CCDC13: variants seen among roughly 807,000 people sequenced by gnomAD.
CCDC13 encodes coiled-coil domain containing 13, also known as coiled-coil domain-containing protein 13.
In CCDC13, 70 loss-of-function variants were observed where a neutral mutation model predicts 87.3. The ratio of observed to expected loss-of-function variants is 0.80; its 90% CI spans 0.66 to 0.98. The LOEUF (loss-of-function observed/expected upper bound fraction) is 0.98. Among genes scored for constraint, CCDC13 ranks in the 50% least tolerant of loss-of-function variants. The pLI, the probability that CCDC13 is intolerant of heterozygous loss-of-function variation, is 0.00. For missense variants in CCDC13, 842 were observed against 892.0 expected, an observed-to-expected ratio of 0.94 and a Z score of 0.71; for synonymous variants, 317 against 360.3, an observed-to-expected ratio of 0.88 and a Z score of 1.36.
intron 11 of CCDC13, 24 bp from the exon 12 acceptor site, chr3:42,732,994 A>G (rs1698884874): frequency 1.3e-6 from 2 of 1,546,842 alleles, no homozygotes; most frequent in African/African-American, 2.7e-5. Flanking sequence ...GAAGGGGCCC[A>G]TCAGCCTGGG....
chr3:42,710,388 C>T (rs1044771770), intron 14 of CCDC13, among the ~76,000 whole-genome samples: 1 of 152,120 alleles, frequency 6.6e-6, no homozygotes, highest in Non-Finnish European at 1.5e-5. Context: ...AAAAGAGAAA[C>T]CAGCTGAGCC....
At chr3:42,715,628 A>C (rs115416948) in intron 13 of CCDC13, among the ~76,000 whole-genome samples, 3,248 of 152,276 alleles carry the variant, frequency 0.021, 136 homozygotes, top group African/African-American at 0.073. Context: ...AAGAAAAAAA[A>C]ATAAAGTTTA....
chr3:42,745,870 G>A (rs1699377959), intron 7 of CCDC13, 53 bp downstream of exon 7: 2 of 1,439,154 alleles, frequency 1.4e-6, no homozygotes, highest in African/African-American at 1.4e-5. Flanking sequence ...AGCTCTTTCT[G>A]GGGTGTTTTA....
chr3:42,751,194 C>A (rs1699570368), intron 5 of CCDC13, among the ~76,000 whole-genome samples: 1 of 152,202 alleles, frequency 6.6e-6, no homozygotes, highest in African/African-American at 2.4e-5. Flanking sequence ...AGTCCCGGGG[C>A]TTGGCTGCCT....
At chr3:42,747,497 T>C in intron 5 of CCDC13, 124 bp from the exon 6 acceptor site, 2 of 719,210 alleles carry the variant, frequency 2.8e-6, no homozygotes, top group Non-Finnish European at 4.8e-6. Context: ...GAAGAACTCA[T>C]TTAATCCTCA....
At chr3:42,765,553 G>T (rs1442239408) in intron 1 of CCDC13, among the ~76,000 whole-genome samples, 3 of 152,152 alleles carry the variant, frequency 2.0e-5, no homozygotes, top group African/African-American at 7.2e-5. Flanking sequence ...CTACAGGCAT[G>T]CACCACTACG....
chr3:42,737,577 TG>T (rs1699071326), intron 9 of CCDC13, among the ~76,000 whole-genome samples: 1 of 152,222 alleles, frequency 6.6e-6, no homozygotes. Flanking sequence ...CAGCACCTGT[TG>T]TTTCCTGACT....
chr3:42,742,426 C>T (rs918690748), intron 8 of CCDC13, among the ~76,000 whole-genome samples: 1 of 152,204 alleles, frequency 6.6e-6, no homozygotes, highest in African/African-American at 2.4e-5. Context: ...TGTTCGTTTA[C>T]ATGGGCCAAT....
At chr3:42,762,594 G>T (rs192586642) in intron 1 of CCDC13, among the ~76,000 whole-genome samples, 10 of 152,260 alleles carry the variant, frequency 6.6e-5, no homozygotes, top group African/African-American at 1.9e-4. Flanking sequence ...CATGTAAGTT[G>T]CCACGAATTG....
chr3:42,732,288 T>A (rs886643077), intron 12 of CCDC13, among the ~76,000 whole-genome samples: 2 of 151,890 alleles, frequency 1.3e-5, no homozygotes, highest in African/African-American at 4.8e-5. Flanking sequence ...GCCACAGAGA[T>A]GAGGGACTGG....
chr3:42,757,595 G>A (rs1168929645), intron 2 of CCDC13, among the ~76,000 whole-genome samples: 5 of 152,178 alleles, frequency 3.3e-5, no homozygotes, highest in African/African-American at 1.2e-4. Context: ...GTGTACACGT[G>A]TAATCCCAGT....
At chr3:42,751,461 A>C (rs1699576966) in intron 5 of CCDC13, among the ~76,000 whole-genome samples, 1 of 152,214 alleles carries the variant, frequency 6.6e-6, no homozygotes, top group South Asian at 2.1e-4. Context: ...ACGAAAGGGA[A>C]AGTGTTCATA....
chr3:42,709,055 C>T lies in CCDC13; in HGVS notation c.2073G>A (p.Met691Ile), dbSNP rs1698240212. Residue 691 changes from methionine to isoleucine, a missense_variant, in exon 16 of 16, where the codon ATG becomes ATA. Coordinates refer to ENST00000310232, the MANE Select transcript of CCDC13 (RefSeq NM_144719.4). ...TCACCTGGCCCAGGATCTCATGGTA[C>T]ATCCGGAAGTCCTCCTCCTTTCCCC... is the stretch of plus-strand genomic sequence containing the variant. The part of the protein sequence containing the change: ...ALRGKEEDFR[M>I]YHEILGQVKS... 3.7e-6 allele frequency: 6 copies of T among 1,614,110 alleles called. No individual in the cohort carries two copies. Among genetic ancestry groups the T allele is most frequent in the East Asian group, 4.5e-5 (2 of 44,888 alleles).
At chr3:42,758,647 T>A (rs1699764230) in intron 1 of CCDC13, among the ~76,000 whole-genome samples, 1 of 152,204 alleles carries the variant, frequency 6.6e-6, no homozygotes, top group African/African-American at 2.4e-5. Context: ...GGTTCTCAAC[T>A]CTGGTTGAAC....
chr3:42,749,310 T>C (rs556982750), intron 5 of CCDC13, among the ~76,000 whole-genome samples: 1 of 152,360 alleles, frequency 6.6e-6, no homozygotes, highest in East Asian at 1.9e-4. Flanking sequence ...TGTGCTTCCA[T>C]ATGGCTGCAG....
chr3:42,710,170 C>T (rs1698276804), intron 14 of CCDC13, among the ~76,000 whole-genome samples: 1 of 148,254 alleles, frequency 6.7e-6, no homozygotes. Flanking sequence ...AGTGCAGTAG[C>T]GTGATCTCAG....
At chr3:42,733,308 C>T (rs572284075) in intron 11 of CCDC13, among the ~76,000 whole-genome samples, 162 bp downstream of exon 11, 12 of 152,338 alleles carry the variant, frequency 7.9e-5, no homozygotes, top group African/African-American at 2.6e-4. Context: ...TTTCTGCAGA[C>T]GCAGAGCTAA....
In CCDC13 at chr3:42,761,103, G is replaced by A. The variant is rs571232564; in HGVS notation, c.-6-2752C>T. Reference sequence around the variant, plus strand: ...TGGAATTATTAAATGCTCCCCTCACGATTTTAAAGTGTAGCCAGTGGTAAG... The same window carrying A: ...TGGAATTATTAAATGCTCCCCTCACAATTTTAAAGTGTAGCCAGTGGTAAG... On this transcript the variant is annotated intron_variant, in intron 1 of 15. Coordinates refer to ENST00000310232, the MANE Select transcript of CCDC13 (RefSeq NM_144719.4). Among the ~76,000 whole-genome samples the A allele has an allele frequency of 6.6e-5, 10 of 152,244 alleles. 1 individual carries two copies. In the South Asian group the frequency reaches 8.3e-4, roughly 13 times the overall value.
intron 5 of CCDC13, chr3:42,749,938 G>T: frequency 2.2e-6 from 1 of 456,640 alleles, no homozygotes; most frequent in Non-Finnish European, 4.4e-6. Context: ...TGTGGCTCGG[G>T]CTTGGGCCGC....
Sources: allele counts gnomAD v4.1 joint callset (sites outside exome capture counted in the v4.1 genomes callset), GRCh38; gene constraint gnomAD v4.1.1; transcripts MANE v1.5; gene names NCBI Gene and HGNC (gene_info 2026-07-23, HGNC 2026-07-21).